The following HS6ST3 variants were observed in gnomAD, a reference collection of about 807,000 sequenced individuals.
HS6ST3 encodes heparan sulfate 6-O-sulfotransferase 3.
A neutral mutation model predicts 36.7 loss-of-function variants in HS6ST3; 12 were observed. That is an observed-to-expected ratio of 0.33 (90% CI 0.21 to 0.53). HS6ST3 has a LOEUF of 0.53. HS6ST3 is among the 20% of genes least tolerant of loss of function. HS6ST3 has a pLI of 0.95. For synonymous variants in HS6ST3, 240 were observed against 257.5 expected (o/e 0.93, Z 0.65); for missense variants, 584 against 640.9 (o/e 0.91, Z 0.96).
At chr13:96,651,775 C>G (rs2056608462) in intron 1 of HS6ST3, among the ~76,000 whole-genome samples, 1 of 152,060 alleles carries the variant, frequency 6.6e-6, no homozygotes, top group Non-Finnish European at 1.5e-5. Flanking sequence ...CCTTTTCTCA[C>G]TGAAACAAAG....
At chr13:96,495,634 C>T (rs2055971143) in intron 1 of HS6ST3, among the ~76,000 whole-genome samples, 1 of 152,086 alleles carries the variant, frequency 6.6e-6, no homozygotes, top group Admixed American at 6.6e-5. Context: ...TTTATTTAAA[C>T]AGCCATTTAA....
intron 1 of HS6ST3, among the ~76,000 whole-genome samples, chr13:96,431,502 A>G (rs1439060052): frequency 6.6e-6 from 1 of 152,164 alleles, no homozygotes; most frequent in African/African-American, 2.4e-5. Flanking sequence ...CTTCTTCTGA[A>G]TTACAAAAAC....
chr13:96,470,338 A>G (rs917428495), intron 1 of HS6ST3, among the ~76,000 whole-genome samples: 1 of 152,212 alleles, frequency 6.6e-6, no homozygotes, highest in Non-Finnish European at 1.5e-5. Context: ...CAAATATTAA[A>G]TAATTTCCTC....
At chr13:96,217,036 C>T (rs943597674) in intron 1 of HS6ST3, among the ~76,000 whole-genome samples, 5 of 152,158 alleles carry the variant, frequency 3.3e-5, no homozygotes, top group African/African-American at 1.2e-4. Context: ...CCTGCACCCC[C>T]AGGGTGTGGG....
intron 1 of HS6ST3, among the ~76,000 whole-genome samples, chr13:96,241,872 G>T (rs183862905): frequency 6.8e-6 from 1 of 146,854 alleles, no homozygotes; most frequent in Non-Finnish European, 1.5e-5. Flanking sequence ...TGCAAGCTCC[G>T]CCTCCCGGGT....
At chr13:96,098,659 A>AAATG (rs1241126854) in intron 1 of HS6ST3, among the ~76,000 whole-genome samples, 1 of 43,448 alleles carries the variant, frequency 2.3e-5, no homozygotes, top group Non-Finnish European at 5.6e-5. Context: ...CTATCTCTAA[A>AAATG]AATAAATAAA....
At chr13:96,562,487 C>A (rs2056265907) in intron 1 of HS6ST3, among the ~76,000 whole-genome samples, 1 of 152,014 alleles carries the variant, frequency 6.6e-6, no homozygotes, top group Admixed American at 6.6e-5. Context: ...ACATAACAAA[C>A]CTGCACATAT....
intron 1 of HS6ST3, among the ~76,000 whole-genome samples, chr13:96,328,127 C>T (rs1055734928): frequency 1.4e-5 from 2 of 142,920 alleles, no homozygotes; most frequent in East Asian, 2.0e-4. Flanking sequence ...CATCTGCAAA[C>T]AGGGACAATT....
chr13:96,179,402 G>A (rs998132640), intron 1 of HS6ST3, among the ~76,000 whole-genome samples: 1 of 152,150 alleles, frequency 6.6e-6, no homozygotes, highest in Non-Finnish European at 1.5e-5. Flanking sequence ...AATCCCCACT[G>A]AAGTTTCTGA....
intron 1 of HS6ST3, among the ~76,000 whole-genome samples, chr13:96,617,846 C>T (rs765873095): frequency 9.8e-5 from 15 of 152,326 alleles, no homozygotes; most frequent in African/African-American, 3.1e-4. Context: ...ATCCTAAGCA[C>T]ACTCAACTTT....
At chr13:96,421,364 C>T (rs1002604804) in intron 1 of HS6ST3, among the ~76,000 whole-genome samples, 1 of 152,178 alleles carries the variant, frequency 6.6e-6, no homozygotes, top group African/African-American at 2.4e-5. Context: ...TGCCCCAAAT[C>T]TTCAGGGGAG....
chr13:96,693,199 CATAGAAACAG>C (rs1277353360), intron 1 of HS6ST3, among the ~76,000 whole-genome samples: 20 of 152,248 alleles, frequency 1.3e-4, no homozygotes, highest in Middle Eastern at 3.4e-3. Flanking sequence ...TTAATAAAAA[CATAGAAACAG>C]ATCCCAAGCT....
intron 1 of HS6ST3, among the ~76,000 whole-genome samples, chr13:96,376,136 A>G (rs576734869): frequency 6.6e-6 from 1 of 152,228 alleles, no homozygotes; most frequent in South Asian, 2.1e-4. Context: ...AGATGGAGTT[A>G]AAAAGGGTGG....
chr13:96,141,551 C>A (rs1388652621), intron 1 of HS6ST3, among the ~76,000 whole-genome samples: 1 of 152,040 alleles, frequency 6.6e-6, no homozygotes, highest in South Asian at 2.1e-4. Context: ...TGGTCTCGAA[C>A]TCCTGGCCTC....
chr13:96,628,541 T>C (rs2056520875), intron 1 of HS6ST3, among the ~76,000 whole-genome samples: 1 of 152,092 alleles, frequency 6.6e-6, no homozygotes. Flanking sequence ...TGGCTTTCTG[T>C]TTGCTCAGTC....
At chr13:96,192,384 C>T (rs2054292463) in intron 1 of HS6ST3, among the ~76,000 whole-genome samples, 1 of 151,784 alleles carries the variant, frequency 6.6e-6, no homozygotes, top group Non-Finnish European at 1.5e-5. Flanking sequence ...TCTAGTGTAC[C>T]CATTACTGAA....
chr13:96,360,945 CAAAA>C, intron 1 of HS6ST3, among the ~76,000 whole-genome samples: 1 of 130,872 alleles, frequency 7.6e-6, no homozygotes, highest in Admixed American at 8.0e-5. Context: ...GACCCTGTCC[CAAAA>C]AAAAAAAAAA....
chr13:96,466,744 G>T (rs1434305743), intron 1 of HS6ST3, among the ~76,000 whole-genome samples: 6 of 147,120 alleles, frequency 4.1e-5, no homozygotes, highest in Non-Finnish European at 9.0e-5. Flanking sequence ...ATCAAACCAT[G>T]AAGTTGGATA....
intron 1 of HS6ST3, among the ~76,000 whole-genome samples, chr13:96,638,329 C>T (rs2056557038): frequency 1.3e-5 from 2 of 152,012 alleles, no homozygotes; most frequent in Admixed American, 1.3e-4. Context: ...AAATTGAGAA[C>T]TCAAACATTA....
Sources: allele counts gnomAD v4.1 joint callset (sites outside exome capture counted in the v4.1 genomes callset), GRCh38; gene constraint gnomAD v4.1.1; transcripts MANE v1.5; gene names NCBI Gene and HGNC (gene_info 2026-07-23, HGNC 2026-07-21).